Variants in MEI1 observed in about 807,000 individuals in gnomAD.
MEI1 encodes meiotic double-stranded break formation protein 1.
Under a neutral mutation model 146.2 loss-of-function variants are expected in MEI1, and 103 were observed. The observed-to-expected ratio is 0.70, with a 90% CI of 0.60 to 0.83. MEI1 has a LOEUF of 0.83. MEI1 is among the 40% of genes least tolerant of loss of function. The pLI is 0.00. For synonymous variants in MEI1, 652 were observed against 628.2 expected (o/e 1.04, Z -0.57); for missense variants, 1,529 against 1,533.0 (o/e 1.00, Z 0.04).
intron 16 of MEI1, 67 bp from the exon 17 acceptor site, chr22:41,753,881 AG>A (rs2073930907): frequency 1.9e-6 from 2 of 1,075,958 alleles, no homozygotes; most frequent in Non-Finnish European, 2.9e-6. Flanking sequence ...GGCATATGGC[AG>A]GGATAATGCT....
chr22:41,767,295 G>A (rs2074919253), intron 19 of MEI1, among the ~76,000 whole-genome samples: 1 of 152,226 alleles, frequency 6.6e-6, no homozygotes, highest in Non-Finnish European at 1.5e-5. Context: ...TGTGCAGAAA[G>A]GCAGGACTCC....
Position 41,741,747 on chromosome 22 carries a change from G to A in MEI1, c.1332-1333G>A, listed in dbSNP as rs572278291. Among the ~76,000 whole-genome samples, 55 of 152,108 alleles carry A rather than the reference G, an allele frequency of 3.6e-4. No homozygotes were observed. In the South Asian group the frequency reaches 3.7e-3, roughly 10 times the overall value. Reference sequence around the variant, plus strand: ...TTCCAGCACTTTGAGAGGCTGAGGCGGCAGATCATGAGGTCAAGAAACCCC... The same window carrying A: ...TTCCAGCACTTTGAGAGGCTGAGGCAGCAGATCATGAGGTCAAGAAACCCC... On this transcript the variant is annotated intron_variant, in intron 11 of 30. Coordinates refer to ENST00000401548, the MANE Select transcript of MEI1 (RefSeq NM_152513.4).
Position 41,794,088 on chromosome 22 carries a change from T to G in MEI1, c.3427+178T>G, listed in dbSNP as rs979380773. The G allele has an allele frequency of 1.3e-5, 9 of 681,502 alleles. No individual in the cohort carries two copies. In the Admixed American group the frequency reaches 1.4e-4, roughly 11 times the overall value. The allele number at this position is 681,502 out of a possible 1,614,324, so 42.2% of individuals were successfully genotyped here. On this transcript the variant is annotated intron_variant, in intron 27 of 30. Coordinates refer to ENST00000401548, the MANE Select transcript of MEI1 (RefSeq NM_152513.4). ...ATTATACAGATGGGATCAATAAGGT[T>G]CAGATAGGTCAAATGATGTGCCCAA...
chr22:41,736,681 C>T (rs9611648), intron 11 of MEI1, among the ~76,000 whole-genome samples: 9,049 of 152,192 alleles, frequency 0.059, 739 homozygotes, highest in African/African-American at 0.18. Flanking sequence ...AGGCATGAGT[C>T]ATTATGCCTG....
intron 11 of MEI1, among the ~76,000 whole-genome samples, chr22:41,740,998 A>G (rs1019081880): frequency 6.6e-6 from 1 of 151,536 alleles, no homozygotes; most frequent in South Asian, 2.1e-4. Context: ...GCAACCTCCA[A>G]CTCCCTGGTT....
At chr22:41,712,229 T>G (rs1482666637) in intron 3 of MEI1, among the ~76,000 whole-genome samples, 4 of 81,768 alleles carry the variant, frequency 4.9e-5, no homozygotes, top group African/African-American at 1.8e-4. Flanking sequence ...ATTGTGTTTT[T>G]TTTGTTTGTT....
intron 3 of MEI1, among the ~76,000 whole-genome samples, chr22:41,708,753 C>G (rs564149342): frequency 1.3e-5 from 2 of 152,292 alleles, no homozygotes; most frequent in Admixed American, 1.3e-4. Context: ...ACTGTTCTTT[C>G]GACAGATGCC....
intron 7 of MEI1, among the ~76,000 whole-genome samples, chr22:41,727,326 T>A (rs1475083460): frequency 6.6e-6 from 1 of 152,206 alleles, no homozygotes; most frequent in Non-Finnish European, 1.5e-5. Context: ...ATACTTAAAA[T>A]CTGTGGTTGC....
At chr22:41,779,283 CA>C (rs202049341) in intron 22 of MEI1, among the ~76,000 whole-genome samples, 13 of 151,734 alleles carry the variant, frequency 8.6e-5, no homozygotes, top group African/African-American at 1.7e-4. Context: ...CCTGTCTCTA[CA>C]AAAAAAATAC....
At chr22:41,779,804 T>A (rs982860777) in intron 22 of MEI1, among the ~76,000 whole-genome samples, 1 of 152,140 alleles carries the variant, frequency 6.6e-6, no homozygotes, top group African/African-American at 2.4e-5. Flanking sequence ...TTCTCCAGGC[T>A]TTTTTCTTAC....
At chr22:41,778,123 G>T (rs2075564023) in intron 21 of MEI1, among the ~76,000 whole-genome samples, 1 of 151,974 alleles carries the variant, frequency 6.6e-6, no homozygotes, top group Non-Finnish European at 1.5e-5. Flanking sequence ...TGAGTAGCTG[G>T]GGTTATAGGC....
chr22:41,784,869 C>A lies in MEI1; in HGVS notation c.3345+86C>A, dbSNP rs1453216046. ...CCTGTCGAGAGCCTGATACTCCTAC[C>A]AGGGCTTGGAGGGTGGATTAAGACT... On this transcript the variant is annotated intron_variant, in intron 26 of 30. Coordinates refer to ENST00000401548, the MANE Select transcript of MEI1 (RefSeq NM_152513.4). 5.6e-6 allele frequency: 6 copies of A among 1,071,552 alleles called. No homozygotes were observed. In the Admixed American group the frequency reaches 1.8e-4, roughly 33 times the overall value. 66.4% of individuals were successfully genotyped at this position (1,071,552 alleles called of 1,614,324 possible).
intron 4 of MEI1, among the ~76,000 whole-genome samples, chr22:41,715,116 G>A (rs1307996098): frequency 6.6e-6 from 1 of 152,044 alleles, no homozygotes; most frequent in Admixed American, 6.6e-5. Flanking sequence ...ATTATGATGA[G>A]ATGATGCCAC....
At chr22:41,756,829 TA>T (rs2074120563) in intron 17 of MEI1, among the ~76,000 whole-genome samples, 1 of 152,244 alleles carries the variant, frequency 6.6e-6, no homozygotes, top group African/African-American at 2.4e-5. Flanking sequence ...ACCGTTTTCG[TA>T]AGAAATCTAG....
intron 19 of MEI1, among the ~76,000 whole-genome samples, chr22:41,764,591 G>A (rs764476287): frequency 1.6e-4 from 24 of 152,206 alleles, no homozygotes; most frequent in Non-Finnish European, 3.1e-4. Flanking sequence ...TCCACACTAA[G>A]GAACAGAAGC....
At chr22:41,769,025 A>G (rs1461483445) in intron 19 of MEI1, among the ~76,000 whole-genome samples, 1 of 152,248 alleles carries the variant, frequency 6.6e-6, no homozygotes. Context: ...ATTCAATGCA[A>G]TCTGTATCAA....
chr22:41,730,400 A>T, intron 8 of MEI1, 121 bp from the exon 9 acceptor site: 1 of 661,946 alleles, frequency 1.5e-6, no homozygotes, highest in Non-Finnish European at 2.8e-6. Flanking sequence ...CATGGAGAGG[A>T]TATGTGAACA....
chr22:41,726,750 TA>T (rs5845506), intron 7 of MEI1, among the ~76,000 whole-genome samples: 96,763 of 151,600 alleles, frequency 0.64, 34,019 homozygotes, highest in East Asian at 0.92. Flanking sequence ...ATTTCTTTTA[TA>T]AAAGAGAACA....
At chr22:41,716,355 C>CTTTTTTTTTTTTTTTTTT (rs6147630) in intron 5 of MEI1, among the ~76,000 whole-genome samples, 6 of 118,580 alleles carry the variant, frequency 5.1e-5, no homozygotes, top group East Asian at 2.3e-4. Flanking sequence ...TCCATTCATT[C>CTTTTTTTTTTTTTTTTTT]TTTTTTTTTT....
Sources: gnomAD v4.1 joint callset for allele counts (sites outside exome capture counted in the v4.1 genomes callset) on GRCh38, gnomAD v4.1.1 for gene constraint, MANE v1.5 for transcripts, NCBI Gene and HGNC (gene_info 2026-07-23, HGNC 2026-07-21) for gene names.